LSAMP: variants seen among roughly 807,000 people sequenced by gnomAD.
LSAMP encodes limbic system-associated membrane protein.
Under a neutral mutation model 38.6 loss-of-function variants are expected in LSAMP, and 7 were observed. The ratio of observed to expected loss-of-function variants is 0.18; its 90% CI spans 0.10 to 0.34. The LOEUF (loss-of-function observed/expected upper bound fraction) is 0.34, where lower values mean the gene tolerates loss of function less well. LSAMP is among the 10% of genes least tolerant of loss of function. The probability of loss-of-function intolerance (pLI) is 1.00; values close to 1 mark genes in which losing one functional copy is unlikely to be tolerated. For synonymous variants in LSAMP, 154 were observed against 166.8 expected (o/e 0.92, Z 0.59); for missense variants, 313 against 420.0 (o/e 0.75, Z 2.23).
chr3:116,343,126 T>C (rs1161765084), intron 1 of LSAMP, among the ~76,000 whole-genome samples: 1 of 152,078 alleles, frequency 6.6e-6, no homozygotes, highest in African/African-American at 2.4e-5. Context: ...AAAAACTGCC[T>C]TGACCATCCA....
At chr3:116,164,927 T>G (rs1432742945) in intron 1 of LSAMP, among the ~76,000 whole-genome samples, 10 of 151,804 alleles carry the variant, frequency 6.6e-5, no homozygotes, top group Admixed American at 2.6e-4. Context: ...TTGTCTATTA[T>G]TTATGAGATA....
At chr3:115,828,191 C>A (rs1559839167) in intron 6 of LSAMP, among the ~76,000 whole-genome samples, 1 of 151,940 alleles carries the variant, frequency 6.6e-6, no homozygotes, top group Non-Finnish European at 1.5e-5. Context: ...ATACGTAATG[C>A]CTGGTAAATA....
intron 1 of LSAMP, among the ~76,000 whole-genome samples, chr3:116,113,772 G>A (rs1418093812): frequency 3.3e-5 from 5 of 152,008 alleles, no homozygotes; most frequent in African/African-American, 1.2e-4. Flanking sequence ...TGTTGATACT[G>A]TCATTGCTAT....
chr3:116,045,836 A>G (rs968337349), intron 2 of LSAMP, among the ~76,000 whole-genome samples: 13 of 152,240 alleles, frequency 8.5e-5, no homozygotes, highest in Non-Finnish European at 1.8e-4. Context: ...ACATAATTAA[A>G]CTTTGCCCCA....
At chr3:115,875,268 T>G (rs936782296) in intron 3 of LSAMP, among the ~76,000 whole-genome samples, 2 of 152,168 alleles carry the variant, frequency 1.3e-5, no homozygotes, top group Admixed American at 6.5e-5. Context: ...GTCCCAAATA[T>G]ATTCTTTAAC....
At chr3:116,060,198 G>GTTTTTTTTTTTTTTT (rs55818433) in intron 2 of LSAMP, among the ~76,000 whole-genome samples, 2 of 141,996 alleles carry the variant, frequency 1.4e-5, no homozygotes, top group African/African-American at 5.4e-5. Context: ...AAGCAACATA[G>GTTTTTTTTTTTTTTT]TTTTTTTTTT....
chr3:116,286,473 A>T (rs75701352), intron 1 of LSAMP, among the ~76,000 whole-genome samples: 1 of 152,202 alleles, frequency 6.6e-6, no homozygotes, highest in South Asian at 2.1e-4. Context: ...ATGGAAAGGC[A>T]CAGCTCTCAT....
chr3:115,824,009 C>G (rs1371713589), intron 6 of LSAMP, among the ~76,000 whole-genome samples: 1 of 152,178 alleles, frequency 6.6e-6, no homozygotes, highest in East Asian at 1.9e-4. Flanking sequence ...ACTAAACACT[C>G]TCAACATAAA....
intron 3 of LSAMP, among the ~76,000 whole-genome samples, chr3:115,870,891 G>T (rs938436217): frequency 3.3e-5 from 5 of 151,982 alleles, no homozygotes; most frequent in African/African-American, 9.7e-5. Flanking sequence ...ACCTAAAAAG[G>T]CCCCAGGCAT....
At chr3:116,245,423 T>G (rs1375600517) in intron 1 of LSAMP, among the ~76,000 whole-genome samples, 1 of 152,228 alleles carries the variant, frequency 6.6e-6, no homozygotes, top group Non-Finnish European at 1.5e-5. Context: ...TAAAAATCTC[T>G]ATTTTCTTAT....
chr3:115,816,270 C>T (rs1934014323), intron 6 of LSAMP, among the ~76,000 whole-genome samples: 1 of 152,182 alleles, frequency 6.6e-6, no homozygotes, highest in African/African-American at 2.4e-5. Context: ...TCTGAGAGCC[C>T]TGTCACTGGG....
At chr3:116,142,957 T>C (rs1191594777) in intron 1 of LSAMP, among the ~76,000 whole-genome samples, 3 of 151,112 alleles carry the variant, frequency 2.0e-5, no homozygotes, top group African/African-American at 7.3e-5. Flanking sequence ...GAACTGGTGT[T>C]TTAATTTTTT....
intron 3 of LSAMP, among the ~76,000 whole-genome samples, chr3:116,010,458 C>T (rs944369291): frequency 6.6e-6 from 1 of 152,150 alleles, no homozygotes; most frequent in Non-Finnish European, 1.5e-5. Flanking sequence ...CAGGTGGCTG[C>T]TTTCATGAGG....
At chr3:116,162,432 T>C (rs1709910174) in intron 1 of LSAMP, among the ~76,000 whole-genome samples, 1 of 152,142 alleles carries the variant, frequency 6.6e-6, no homozygotes, top group Non-Finnish European at 1.5e-5. Context: ...GATGTTAGGA[T>C]ATAGTGAGGA....
intron 1 of LSAMP, among the ~76,000 whole-genome samples, chr3:116,266,612 T>C (rs2046895076): frequency 6.6e-6 from 1 of 152,166 alleles, no homozygotes; most frequent in South Asian, 2.1e-4. Flanking sequence ...ATTGATCAGC[T>C]ACTTGTACGT....
In LSAMP at chr3:115,872,901, C is replaced by T. The variant is rs375040577; in HGVS notation, c.515-20284G>A. On this transcript the variant is annotated intron_variant, in intron 3 of 6. Coordinates refer to ENST00000490035, the MANE Select transcript of LSAMP (RefSeq NM_002338.5). ...TATGAACTAGGCATGTGCTAAGCAA[C>T]GTGACACATGCTAATACTAGTTTAA... 9.2e-5 allele frequency among the ~76,000 whole-genome samples: 14 copies of T among 152,162 alleles called. No individual in the cohort carries two copies. In the East Asian group the frequency reaches 1.5e-3, roughly 17 times the overall value.
intron 3 of LSAMP, among the ~76,000 whole-genome samples, chr3:115,974,095 AGCACTTTGGAAG>A (rs1939107398): frequency 6.6e-6 from 1 of 152,160 alleles, no homozygotes; most frequent in East Asian, 1.9e-4. Context: ...GTGTAATCCC[AGCACTTTGGAAG>A]GCTGAGGCTG....
intron 1 of LSAMP, among the ~76,000 whole-genome samples, chr3:116,260,933 G>C (rs1270760708): frequency 6.6e-6 from 1 of 152,128 alleles, no homozygotes; most frequent in Admixed American, 6.5e-5. Context: ...GCATCACCTG[G>C]GAAAGGATGC....
chr3:116,029,795 G>C (rs558369989), intron 2 of LSAMP, among the ~76,000 whole-genome samples: 43 of 152,178 alleles, frequency 2.8e-4, no homozygotes, highest in African/African-American at 1.0e-3. Context: ...GATGTAGCCA[G>C]CATTTTACTA....
Sources: gnomAD v4.1 joint callset for allele counts (sites outside exome capture counted in the v4.1 genomes callset) on GRCh38, gnomAD v4.1.1 for gene constraint, MANE v1.5 for transcripts, NCBI Gene and HGNC (gene_info 2026-07-23, HGNC 2026-07-21) for gene names.